KRT10: variants seen among roughly 807,000 people sequenced by gnomAD.
KRT10 encodes keratin, type I cytoskeletal 10.
KRT10 carries 40 observed loss-of-function variants against 59.2 expected under a neutral mutation model. The ratio of observed to expected loss-of-function variants is 0.68; its 90% confidence interval spans 0.52 to 0.88. The LOEUF is 0.88. Ranked by LOEUF, KRT10 falls within the 40% of genes least tolerant of loss-of-function variation. The pLI, the probability that KRT10 is intolerant of heterozygous loss-of-function variation, is 0.00. For missense variants in KRT10, 719 were observed against 749.1 expected, an observed-to-expected ratio of 0.96 and a Z score of 0.47; for synonymous variants, 336 against 310.7, an observed-to-expected ratio of 1.08 and a Z score of -0.86.
rs868543438 is a variant in KRT10, at chr17:40,818,551, T to G, written c.1749-69A>C. The G allele has an allele frequency of 4.6e-6, 6 of 1,299,162 alleles. No individual in the cohort carries two copies. In the Middle Eastern group the frequency reaches 1.1e-3, roughly 240 times the overall value. The allele number at this position is 1,299,162 out of a possible 1,614,324, so 80.5% of individuals were successfully genotyped here. A position where few individuals can be genotyped will look rare whatever the true frequency, so the allele number is the denominator to read the frequency against. On this transcript the variant is annotated intron_variant, in intron 7 of 7. Coordinates refer to ENST00000269576, the MANE Select transcript of KRT10 (RefSeq NM_000421.5). ...TCCTTAGTAATTAACAAGCAAATATTGTAAAAAGAAGGAAATTTCAACTTT... is the reference window on the plus strand; with the variant it reads ...TCCTTAGTAATTAACAAGCAAATATGGTAAAAAGAAGGAAATTTCAACTTT...
rs1567709219 is a variant in KRT10 at position 40,820,087 on chromosome 17, G to T, written c.1117C>A (p.Gln373Lys). ...GACTGTAGTTCTATCTCCAGAGCTT[G>T]TACATTACGTCTCAATTCAGTAATC... is the stretch of plus-strand genomic sequence containing the variant. ...SEITELRRNV[Q>K]ALEIELQSQL... The change falls in exon 5 of 8, where the codon CAA becomes AAA. Residue 373 changes from glutamine (Q) to lysine (K), a missense_variant. By Grantham distance (53) the Gln-to-Lys change is moderately conservative (BLOSUM62 1). Coordinates refer to ENST00000269576, the MANE Select transcript of KRT10 (RefSeq NM_000421.5). 2 of 1,613,348 alleles carry T rather than the reference G, an allele frequency of 1.2e-6. No homozygotes were observed. The highest frequency in any genetic ancestry group is 4.5e-5 in the East Asian group (2 of 44,870).
Position 40,820,504 on chromosome 17 carries a change from G to A in KRT10, c.867+7C>T, listed in dbSNP as rs915347157. The stretch of plus-strand genomic sequence containing the variant: ...TTTGGCTGGGAAAAGTATAACTTTT[G>A]TGTCACCTCCTCGTGGTTCTTCTTC... On this transcript the variant is annotated splice_region_variant and intron_variant, in intron 3 of 7. Transcript: ENST00000269576. 18 of 1,614,076 alleles carry A rather than the reference G, an allele frequency of 1.1e-5. No individual in the cohort carries two copies. The highest frequency in any genetic ancestry group is 1.4e-5 in the Non-Finnish European group (17 of 1,180,044).
At position 40,820,531 on chromosome 17, in the gene KRT10, G is replaced by C. The variant is rs767360709; in HGVS notation, c.847C>G (p.Leu283Val). 1.9e-6 allele frequency: 3 copies of C among 1,614,098 alleles called. No homozygotes were observed. The highest frequency in any genetic ancestry group is 1.3e-5 in the African/African-American group (1 of 74,938). ...IESLTEELAY[L>V]KKNHEEEMKD... Reference sequence around the variant, plus strand: ...GTCACCTCCTCGTGGTTCTTCTTCAGATAGGCCAGCTCTTCAGTCAGGCTC... The same window carrying C: ...GTCACCTCCTCGTGGTTCTTCTTCACATAGGCCAGCTCTTCAGTCAGGCTC... Residue 283 changes from leucine (L) to valine (V), a missense_variant, in exon 3 of 8, where the codon CTG becomes GTG. By Grantham distance (32) the Leu-to-Val change is conservative. Transcript: ENST00000269576.
rs1905474446 is a variant in KRT10, at chr17:40,822,427, A to G, written c.159T>C (p.Ser53=). The stretch of plus-strand genomic sequence containing the variant: ...AGCTCCCACGGCTAAAAGAGCCACC[A>G]CTGAACCCCCCTGAGCTAAATCCTC... ...LGGGFSSGGF[S]GGSFSRGSSG... is the part of the protein sequence containing the mutation. Residue 53 remains serine, a synonymous_variant, in exon 1 of 8, where the codon AGT becomes AGC. Transcript: ENST00000269576. The G allele has an allele frequency of 1.2e-6, 2 of 1,613,460 alleles. No homozygotes were observed. The highest frequency in any genetic ancestry group is 1.7e-6 in the Non-Finnish European group (2 of 1,179,776).
Position 40,818,974 on chromosome 17 carries a change from C to T in KRT10, c.1561G>A (p.Gly521Ser). ...CCGCCGCTGGAACTGCCGCCGTGGC[C>T]GCCGCTGGAGCTTCCGCCCCCGTAG... ...GGYGGGSSSG[G>S]HGGSSSGGYG... Residue 521 changes from glycine (G) to serine (S), a missense_variant, in exon 7 of 8, where the codon GGC (glycine) becomes AGC (serine). Transcript: ENST00000269576. 7.2e-7 allele frequency: 1 copy of T among 1,383,436 alleles called. No homozygotes were observed. The highest frequency in any genetic ancestry group is 9.4e-7 in the Non-Finnish European group (1 of 1,068,258). 85.7% of individuals were successfully genotyped at this position (1,383,436 alleles called of 1,614,324 possible). A position where few individuals can be genotyped will look rare whatever the true frequency, so the allele number is the denominator to read the frequency against.
intron 4 of KRT10, 27 bp downstream of exon 4, chr17:40,820,235 G>A (rs1597819754): frequency 6.2e-7 from 1 of 1,614,172 alleles, no homozygotes; most frequent in Non-Finnish European, 8.5e-7. Context: ...ACCTCCATGA[G>A]TTTCACTATA....
chr17:40,819,585 G>T lies in KRT10; in HGVS notation c.1305C>A (p.Leu435=), dbSNP rs748048161. Residue 435 remains leucine (L), a synonymous_variant, in exon 6 of 8, where the codon CTC becomes CTA. Coordinates refer to ENST00000269576, the MANE Select transcript of KRT10 (RefSeq NM_000421.5). ...TECQNTEYQQ[L]LDIKIRLENE... The stretch of plus-strand genomic sequence containing the variant: ...TCTCCAGTCGGATCTTAATATCCAG[G>T]AGTTGTTGGTATTCAGTATTCTGGC... 1 of 1,614,202 alleles carries T rather than the reference G, an allele frequency of 6.2e-7. No individual in the cohort carries two copies. Among genetic ancestry groups the T allele is most frequent in the East Asian group, 2.2e-5 (1 of 44,880 alleles).
At position 40,819,662 on chromosome 17, in the gene KRT10, G is replaced by C. The variant is rs143780054; in HGVS notation, c.1228C>G (p.Gln410Glu). Reference sequence around the variant, plus strand: ...AACTGTTCTTCCAGAGCGGATATCTGGGCCTGAATCTGTGAGAGCTGCACA... The same window carrying C: ...AACTGTTCTTCCAGAGCGGATATCTCGGCCTGAATCTGTGAGAGCTGCACA... ...YCVQLSQIQA[Q>E]ISALEEQLQQ... The change falls in exon 6 of 8, where the codon CAG becomes GAG. Residue 410 changes from glutamine to glutamate, a missense_variant. Coordinates refer to ENST00000269576, the MANE Select transcript of KRT10 (RefSeq NM_000421.5). 5.0e-6 allele frequency: 8 copies of C among 1,614,050 alleles called. No homozygotes were observed. The African/African-American group carries it at 1.1e-4, about 22-fold the overall frequency.
Position 40,818,708 on chromosome 17 carries a change from A to C in KRT10, c.1748+79T>G, listed in dbSNP as rs1311748730. 3.1e-6 allele frequency: 5 copies of C among 1,594,240 alleles called. No individual in the cohort carries two copies. The East Asian group carries it at 1.1e-4, about 36-fold the overall frequency. On this transcript the variant is annotated intron_variant, in intron 7 of 7. Coordinates refer to ENST00000269576, the MANE Select transcript of KRT10 (RefSeq NM_000421.5). ...CTAAGATTTTTAATTTTTTAAAACA[A>C]CTCTAGAGCTTAAAGCGCAAAAAAA...
Position 40,820,433 on chromosome 17 carries a change from G to A in KRT10, c.868-10C>T. 3 of 1,614,174 alleles carry A rather than the reference G, an allele frequency of 1.9e-6. No homozygotes were observed. The highest frequency in any genetic ancestry group is 2.5e-6 in the Non-Finnish European group (3 of 1,180,016). Reference sequence around the variant, plus strand: ...GAAGGTCTTTCATTTCCTGTTTGAGGAACAGAAAGATTTATTGGCTACACG... The same window carrying A: ...GAAGGTCTTTCATTTCCTGTTTGAGAAACAGAAAGATTTATTGGCTACACG... On this transcript the variant is annotated splice_polypyrimidine_tract_variant and intron_variant, in intron 3 of 7. Transcript: ENST00000269576.
chr17:40,820,476 T>C, intron 3 of KRT10, 35 bp downstream of exon 3: 1 of 1,614,214 alleles, frequency 6.2e-7, no homozygotes. Context: ...TAATGAACTC[T>C]CTTTTGGCTG....
rs1905414839 is a variant in KRT10, at chr17:40,821,962, A to G, written c.624T>C (p.Asn208=). The change falls in exon 1 of 8, where the codon AAT becomes AAC. Residue 208 remains asparagine, a synonymous_variant. Coordinates refer to ENST00000269576, the MANE Select transcript of KRT10 (RefSeq NM_000421.5). ...TGGATTTAAAAATACCTCTTACCTGATTTTTAAGGTCATCGATGGTTTTGT... is the reference window on the plus strand; with the variant it reads ...TGGATTTAAAAATACCTCTTACCTGGTTTTTAAGGTCATCGATGGTTTTGT... ...KYYKTIDDLK[N]QILNLTTDNA... 1 of 1,613,920 alleles carries G rather than the reference A, an allele frequency of 6.2e-7. No individual in the cohort carries two copies. The highest frequency in any genetic ancestry group is 1.3e-5 in the African/African-American group (1 of 74,898).
chr17:40,820,776 A>G, intron 2 of KRT10, 109 bp from the exon 3 acceptor site: 1 of 1,225,712 alleles, frequency 8.2e-7, no homozygotes, highest in Non-Finnish European at 1.2e-6. Flanking sequence ...TAATGGCAAT[A>G]TTTGTCATGT....
Position 40,820,541 on chromosome 17 carries a change from C to A in KRT10, c.837G>T (p.Glu279Asp), listed in dbSNP as rs1316420703. The change falls in exon 3 of 8, where the codon GAG becomes GAT. Residue 279 changes from glutamate to aspartate, a missense_variant. Physicochemically the swap from Glu to Asp is conservative, Grantham distance 45. Transcript: ENST00000269576. ...LEMQIESLTE[E>D]LAYLKKNHEE... is the part of the protein sequence containing the mutation. Reference sequence around the variant, plus strand: ...CGTGGTTCTTCTTCAGATAGGCCAGCTCTTCAGTCAGGCTCTCAATTTGCA... The same window carrying A: ...CGTGGTTCTTCTTCAGATAGGCCAGATCTTCAGTCAGGCTCTCAATTTGCA... 1.9e-6 allele frequency: 3 copies of A among 1,614,092 alleles called. No homozygotes were observed. Among genetic ancestry groups the A allele is most frequent in the African/African-American group, 2.7e-5 (2 of 74,922 alleles).
intron 6 of KRT10, 65 bp from the exon 7 acceptor site, chr17:40,819,226 T>C: frequency 1.3e-6 from 2 of 1,588,974 alleles, no homozygotes; most frequent in Non-Finnish European, 1.7e-6. Context: ...GCTTTCCAGT[T>C]GCCGTTAATT....
chr17:40,822,240 T>A lies in KRT10; in HGVS notation c.346A>T (p.Ser116Cys). 1 of 1,609,824 alleles carries A rather than the reference T, an allele frequency of 6.2e-7. No homozygotes were observed. The highest frequency in any genetic ancestry group is 8.5e-7 in the Non-Finnish European group (1 of 1,176,918). Residue 116 changes from serine (S) to cysteine (C), a missense_variant, in exon 1 of 8, where the codon AGC becomes TGC. Coordinates refer to ENST00000269576, the MANE Select transcript of KRT10 (RefSeq NM_000421.5). ...SFGGGSFGGGSFGGGGFGGGG... is the reference protein window; with the variant it reads ...SFGGGSFGGGCFGGGGFGGGG... ...CCACCAAAGCCGCCTCCACCAAAGC[T>A]GCCCCCACCAAAGCTGCCACCTCCG... is the stretch of plus-strand genomic sequence containing the variant.
At chr17:40,818,692 T>C in intron 7 of KRT10, 95 bp downstream of exon 7, 3 of 1,579,276 alleles carry the variant, frequency 1.9e-6, no homozygotes, top group Non-Finnish European at 1.7e-6. Flanking sequence ...TCTAAGATTT[T>C]TAATTTTTTA....
Position 40,819,090 on chromosome 17 carries a change from C to T in KRT10, c.1445G>A (p.Ser482Asn). The change falls in exon 7 of 8, where the codon AGC becomes AAC. Residue 482 changes from serine (S) to asparagine (N), a missense_variant. Coordinates refer to ENST00000269576, the MANE Select transcript of KRT10 (RefSeq NM_000421.5). ...GCCGCCGCCGTGGCCGCCGCCGGAG[C>T]TTCCGCCGCCGGAGCTTCCGCCGCC... ...GYGGGSSGGG[S>N]SGGGHGGGHG... 7.0e-7 allele frequency: 1 copy of T among 1,432,482 alleles called. No homozygotes were observed. Among genetic ancestry groups the T allele is most frequent in the Non-Finnish European group, 9.2e-7 (1 of 1,089,588 alleles). The allele number at this position is 1,432,482 out of a possible 1,614,324, so 88.7% of individuals were successfully genotyped here. A position where few individuals can be genotyped will look rare whatever the true frequency, so the allele number is the denominator to read the frequency against.
At position 40,819,497 on chromosome 17, in the gene KRT10, C is replaced by T; in HGVS notation, c.1373+20G>A. On this transcript the variant is annotated intron_variant, in intron 6 of 7. Coordinates refer to ENST00000269576, the MANE Select transcript of KRT10 (RefSeq NM_000421.5). ...TATTGAATAAAAGAAACTGGGATAA[C>T]TTTTCATTTTAAAATTTACCTTCCC... is the stretch of plus-strand genomic sequence containing the variant. 2 of 1,600,764 alleles carry T rather than the reference C, an allele frequency of 1.2e-6. No homozygotes were observed. The highest frequency in any genetic ancestry group is 1.7e-6 in the Non-Finnish European group (2 of 1,167,826).
Sources: allele counts gnomAD v4.1 joint callset, GRCh38; gene constraint gnomAD v4.1.1; transcripts MANE v1.5; gene names NCBI Gene and HGNC (gene_info 2026-07-23, HGNC 2026-07-21).